The following PCDHA12 variants were observed in gnomAD, a reference collection of about 807,000 sequenced individuals.
PCDHA12 encodes the protein protocadherin alpha-12.
PCDHA12 carries 44 observed loss-of-function variants against 60.0 expected under a neutral mutation model. That is an observed-to-expected ratio of 0.73 (90% CI 0.58 to 0.94). The LOEUF (loss-of-function observed/expected upper bound fraction) is 0.94. Ranked by LOEUF, PCDHA12 falls within the 40% of genes least tolerant of loss-of-function variation. The probability of loss-of-function intolerance (pLI) is 0.00; values close to 1 mark genes in which losing one functional copy is unlikely to be tolerated. For missense variants in PCDHA12, 1,276 were observed against 1,239.7 expected (o/e 1.03, Z -0.44); for synonymous variants, 569 against 553.0 (o/e 1.03, Z -0.40).
At chr5:140,887,125 C>G (rs1391575318) in intron 1 of PCDHA12, among the ~76,000 whole-genome samples, 3 of 150,080 alleles carry the variant, frequency 2.0e-5, no homozygotes. Context: ...GAGACGGAGT[C>G]TCACTCTGTC....
chr5:140,942,435 A>G (rs1258382123), intron 1 of PCDHA12, among the ~76,000 whole-genome samples: 2 of 152,114 alleles, frequency 1.3e-5, no homozygotes, highest in East Asian at 3.9e-4. Flanking sequence ...ATCTAACAAT[A>G]AACAAGTAAA....
intron 3 of PCDHA12, among the ~76,000 whole-genome samples, chr5:140,993,787 A>AT (rs1554253947): frequency 6.6e-6 from 1 of 152,196 alleles, no homozygotes; most frequent in Non-Finnish European, 1.5e-5. Context: ...GTACAGTAAC[A>AT]TGCTGTGCAG....
intron 1 of PCDHA12, among the ~76,000 whole-genome samples, chr5:140,921,929 A>G (rs2080500807): frequency 6.6e-6 from 1 of 152,244 alleles, no homozygotes; most frequent in East Asian, 1.9e-4. Flanking sequence ...CTTATAGTCA[A>G]TATAATTTTA....
At chr5:140,948,527 A>G (rs902965857) in intron 1 of PCDHA12, among the ~76,000 whole-genome samples, 7 of 151,560 alleles carry the variant, frequency 4.6e-5, no homozygotes, top group Non-Finnish European at 8.9e-5. Context: ...CACTATTTAT[A>G]TTTTATTTCA....
chr5:140,889,259 G>C (rs371831027), intron 1 of PCDHA12, among the ~76,000 whole-genome samples: 37 of 151,916 alleles, frequency 2.4e-4, no homozygotes, highest in African/African-American at 6.7e-4. Context: ...TCCTGTAAAA[G>C]TTTGTATAAT....
Position 140,906,278 on chromosome 5 carries a change from C to T in PCDHA12, c.2367+28439C>T, listed in dbSNP as rs546102354. On this transcript the variant is annotated intron_variant, in intron 1 of 3. Coordinates refer to ENST00000398631, the MANE Select transcript of PCDHA12 (RefSeq NM_018903.4). ...ACCTCCTGAAATTATAGATAATCTT[C>T]AAATTAAGACAATAATAAGGTCATA... Among the ~76,000 whole-genome samples the T allele has an allele frequency of 4.6e-5, 7 of 152,270 alleles. No homozygotes were observed. In the South Asian group the frequency reaches 6.2e-4, roughly 14 times the overall value.
chr5:141,008,679 T>C (rs950831628), intron 3 of PCDHA12, among the ~76,000 whole-genome samples: 4 of 152,238 alleles, frequency 2.6e-5, no homozygotes, highest in South Asian at 4.1e-4. Context: ...TATACTTTAG[T>C]TATTGCATGT....
chr5:140,924,901 A>AAAATAAAAT (rs1554202314), intron 1 of PCDHA12, among the ~76,000 whole-genome samples: 2 of 80,456 alleles, frequency 2.5e-5, no homozygotes, highest in African/African-American at 8.6e-5. Context: ...TCTCAAAAAA[A>AAAATAAAAT]AAAATAAAAT....
At chr5:140,946,077 C>T (rs246055) in intron 1 of PCDHA12, among the ~76,000 whole-genome samples, 85,716 of 151,878 alleles carry the variant, frequency 0.56, 24,786 homozygotes, top group African/African-American at 0.69. Context: ...TTGCAAACCA[C>T]AGATCTGATA....
chr5:140,984,960 CAG>C (rs1387655082), intron 3 of PCDHA12, among the ~76,000 whole-genome samples: 2 of 151,386 alleles, frequency 1.3e-5, no homozygotes, highest in African/African-American at 4.9e-5. Context: ...TTTTTTGAGA[CAG>C]AGTCTCGCTC....
At chr5:140,937,070 C>G (rs1363778213) in intron 1 of PCDHA12, among the ~76,000 whole-genome samples, 2 of 147,796 alleles carry the variant, frequency 1.4e-5, no homozygotes, top group Admixed American at 1.4e-4. Context: ...CGGAGTCTCG[C>G]TCTGTCGCCC....
At chr5:140,928,000 G>T (rs2084855141) in intron 1 of PCDHA12, 1 of 1,614,166 alleles carries the variant, frequency 6.2e-7, no homozygotes, top group Non-Finnish European at 8.5e-7. Context: ...TGAAGACCTC[G>T]ATTCTAATGG....
At position 140,877,758 on chromosome 5, in the gene PCDHA12, G is replaced by C; in HGVS notation, c.2286G>C (p.Glu762Asp). 1 of 1,614,190 alleles carries C rather than the reference G, an allele frequency of 6.2e-7. No homozygotes were observed. The highest frequency in any genetic ancestry group is 8.5e-7 in the Non-Finnish European group (1 of 1,180,036). Residue 762 changes from glutamate to aspartate, a missense_variant, in exon 1 of 4, where the codon GAG becomes GAC. Glu to Asp is a conservative substitution (Grantham distance 45). Transcript: ENST00000398631. ...GGAGGCAGAGGGTGTGCTCTGCAGA[G>C]AGCCCGCCCAAGACGGACCTCATGG... is the stretch of plus-strand genomic sequence containing the variant. ...QQRRQRVCSA[E>D]SPPKTDLMAF... is the part of the protein sequence containing the mutation.
At chr5:140,892,550 A>G (rs1337911954) in intron 1 of PCDHA12, among the ~76,000 whole-genome samples, 1 of 152,202 alleles carries the variant, frequency 6.6e-6, no homozygotes, top group East Asian at 1.9e-4. Context: ...TTGTTTCTCT[A>G]GTCCTTGGAG....
chr5:140,923,527 C>T (rs2081405445), intron 1 of PCDHA12, among the ~76,000 whole-genome samples: 1 of 151,652 alleles, frequency 6.6e-6, no homozygotes, highest in South Asian at 2.1e-4. Context: ...AGATTCTGTC[C>T]CAAAAAAAGG....
intron 3 of PCDHA12, among the ~76,000 whole-genome samples, chr5:140,993,229 C>T (rs1396962894): frequency 6.6e-6 from 1 of 152,092 alleles, no homozygotes; most frequent in Non-Finnish European, 1.5e-5. Flanking sequence ...GGTATGTTCT[C>T]TCTGAATCTG....
chr5:140,937,527 G>A (rs1190290782), intron 1 of PCDHA12, among the ~76,000 whole-genome samples: 3 of 152,250 alleles, frequency 2.0e-5, no homozygotes, highest in Non-Finnish European at 4.4e-5. Flanking sequence ...TGAGGCAGGA[G>A]AATTGCTTGA....
chr5:140,941,438 C>T (rs1408570275), intron 1 of PCDHA12, among the ~76,000 whole-genome samples: 4 of 150,764 alleles, frequency 2.7e-5, no homozygotes, highest in African/African-American at 7.3e-5. Context: ...GCCTCAGCCT[C>T]GGGAGTAGCT....
chr5:140,876,539 C>G lies in PCDHA12; in HGVS notation c.1067C>G (p.Ser356Trp). The change falls in exon 1 of 4, where the codon TCG (serine) becomes TGG (tryptophan). Residue 356 changes from serine (S) to tryptophan (W), a missense_variant. Ser to Trp is a radical substitution (Grantham distance 177). Transcript: ENST00000398631. ...NVPEVMVTSL[S>W]LPVQEDAQVG... The stretch of plus-strand genomic sequence containing the variant: ...CCTGAAGTAATGGTTACTTCACTGT[C>G]GCTCCCTGTGCAAGAGGATGCTCAG... The G allele has an allele frequency of 6.2e-7, 1 of 1,614,170 alleles. No individual in the cohort carries two copies. The highest frequency in any genetic ancestry group is 8.5e-7 in the Non-Finnish European group (1 of 1,180,032).
Sources: gnomAD v4.1 joint callset for allele counts (sites outside exome capture counted in the v4.1 genomes callset) on GRCh38, gnomAD v4.1.1 for gene constraint, MANE v1.5 for transcripts, NCBI Gene and HGNC (gene_info 2026-07-23, HGNC 2026-07-21) for gene names.